The following GRIK1 variants were observed in gnomAD, a reference collection of about 807,000 sequenced individuals.
The protein encoded by GRIK1 is glutamate ionotropic receptor kainate type subunit 1.
GRIK1 carries 69 observed loss-of-function variants against 105.7 expected under a neutral mutation model. The ratio of observed to expected loss-of-function variants is 0.65; its 90% confidence interval spans 0.54 to 0.80. GRIK1 has a LOEUF of 0.80. Among genes scored for constraint, GRIK1 ranks in the 30% least tolerant of loss-of-function variants. The pLI, the probability that GRIK1 is intolerant of heterozygous loss-of-function variation, is 0.00. For synonymous variants in GRIK1, 438 were observed against 431.3 expected (o/e 1.02, Z -0.19); for missense variants, 1,109 against 1,167.3 (o/e 0.95, Z 0.73).
intron 1 of GRIK1, among the ~76,000 whole-genome samples, chr21:29,830,355 ACACACACT>A (rs138988673): frequency 0.33 from 45,154 of 136,390 alleles, 8,269 homozygotes; most frequent in East Asian, 0.58. Context: ...ACACACACAC[ACACACACT>A]CACACACATA....
At chr21:29,756,059 G>T (rs1301896407) in intron 1 of GRIK1, among the ~76,000 whole-genome samples, 2 of 152,188 alleles carry the variant, frequency 1.3e-5, no homozygotes, top group African/African-American at 4.8e-5. Flanking sequence ...AGAACATTGA[G>T]GGAAATTTTT....
intron 1 of GRIK1, among the ~76,000 whole-genome samples, chr21:29,925,741 G>A (rs892988297): frequency 1.3e-5 from 2 of 152,046 alleles, no homozygotes; most frequent in African/African-American, 4.8e-5. Context: ...CTCACTTTTT[G>A]CATCTGATAT....
At chr21:29,820,870 T>C (rs1601780739) in intron 1 of GRIK1, among the ~76,000 whole-genome samples, 1 of 151,978 alleles carries the variant, frequency 6.6e-6, no homozygotes, top group Admixed American at 6.6e-5. Flanking sequence ...TCAAAAACCT[T>C]ACCCAAGTTT....
At chr21:29,738,924 C>T (rs144065615) in intron 1 of GRIK1, among the ~76,000 whole-genome samples, 22 of 152,108 alleles carry the variant, frequency 1.4e-4, no homozygotes, top group Non-Finnish European at 2.5e-4. Flanking sequence ...ACATTTATTG[C>T]GAAATTAAAC....
chr21:29,580,487 GTC>G (rs5843392), intron 13 of GRIK1, among the ~76,000 whole-genome samples: 109,853 of 151,576 alleles, frequency 0.72, 39,958 homozygotes, highest in Middle Eastern at 0.78. Flanking sequence ...TATTTCCACA[GTC>G]TCTCTCTCTC....
chr21:29,920,305 C>A lies in GRIK1; in HGVS notation c.118+19078G>T, dbSNP rs147597678. On this transcript the variant is annotated intron_variant, in intron 1 of 17. Coordinates refer to ENST00000327783, the MANE Select transcript of GRIK1 (RefSeq NM_001330994.2). ...TAGAAAGGGCTACTATATGTACACA[C>A]ACAGTCTAACAAAAGGTATTAATAA... Among the ~76,000 whole-genome samples the A allele has an allele frequency of 2.6e-3, 395 of 152,188 alleles. 3 individuals are homozygous for A. The highest frequency in any genetic ancestry group is 9.1e-3 in the African/African-American group (379 of 41,462).
chr21:29,759,492 C>A (rs976904968), intron 1 of GRIK1, among the ~76,000 whole-genome samples: 1 of 152,118 alleles, frequency 6.6e-6, no homozygotes, highest in African/African-American at 2.4e-5. Flanking sequence ...TATGAAACAC[C>A]TGGTGAATAT....
intron 1 of GRIK1, among the ~76,000 whole-genome samples, chr21:29,704,614 T>C (rs552802161): frequency 6.6e-6 from 1 of 152,330 alleles, no homozygotes; most frequent in East Asian, 1.9e-4. Flanking sequence ...CTTAACACTA[T>C]GCCTCACAAA....
chr21:29,744,999 C>T (rs957152229), intron 1 of GRIK1, among the ~76,000 whole-genome samples: 6 of 152,148 alleles, frequency 3.9e-5, no homozygotes, highest in African/African-American at 9.7e-5. Context: ...GTGTAGTCCC[C>T]TTCCCTTGAA....
chr21:29,863,600 G>T (rs1052175052), intron 1 of GRIK1, among the ~76,000 whole-genome samples: 2 of 152,148 alleles, frequency 1.3e-5, no homozygotes, highest in Non-Finnish European at 2.9e-5. Context: ...TGCAAAAGGA[G>T]AATTTAGCTC....
chr21:29,674,862 A>C (rs2063235549), intron 3 of GRIK1, among the ~76,000 whole-genome samples: 1 of 152,160 alleles, frequency 6.6e-6, no homozygotes, highest in Admixed American at 6.6e-5. Flanking sequence ...CTCTTTTTAC[A>C]CAAAGATTGA....
At chr21:29,926,779 T>C (rs1037665289) in intron 1 of GRIK1, among the ~76,000 whole-genome samples, 7 of 152,194 alleles carry the variant, frequency 4.6e-5, no homozygotes, top group Admixed American at 1.3e-4. Context: ...AAGAAGAGTA[T>C]ACTGTTTAGG....
intron 7 of GRIK1, among the ~76,000 whole-genome samples, chr21:29,629,003 T>C (rs1159068696): frequency 6.6e-6 from 1 of 152,194 alleles, no homozygotes; most frequent in African/African-American, 2.4e-5. Flanking sequence ...CCAAGATTTA[T>C]TGAGCCCCTA....
intron 7 of GRIK1, among the ~76,000 whole-genome samples, chr21:29,625,777 G>A (rs79989290): frequency 6.6e-6 from 1 of 152,134 alleles, no homozygotes; most frequent in Non-Finnish European, 1.5e-5. Flanking sequence ...AGCACTTCCA[G>A]CACATAGTAT....
chr21:29,643,903 C>A (rs560334539), intron 6 of GRIK1, among the ~76,000 whole-genome samples: 128 of 147,488 alleles, frequency 8.7e-4, no homozygotes, highest in Non-Finnish European at 1.6e-3. Flanking sequence ...TGGAGGGGCA[C>A]ACACATGCAC....
chr21:29,653,932 G>C (rs559417832), intron 5 of GRIK1, among the ~76,000 whole-genome samples: 1 of 152,304 alleles, frequency 6.6e-6, no homozygotes, highest in Admixed American at 6.5e-5. Context: ...ATTTGAGTCA[G>C]AAATAGAATT....
intron 14 of GRIK1, among the ~76,000 whole-genome samples, chr21:29,572,773 TTC>T (rs113000650): frequency 0.034 from 5,224 of 151,748 alleles, 293 homozygotes; most frequent in African/African-American, 0.12. Context: ...TCTTTTTTTT[TTC>T]TTCTTCTTTT....
chr21:29,604,020 G>A (rs1469854651), intron 7 of GRIK1, among the ~76,000 whole-genome samples: 1 of 152,176 alleles, frequency 6.6e-6, no homozygotes, highest in Non-Finnish European at 1.5e-5. Flanking sequence ...CTCTGAAAAT[G>A]TACAGAATTG....
chr21:29,555,129 C>A lies in GRIK1; in HGVS notation c.2530G>T (p.Ala844Ser). The A allele has an allele frequency of 6.2e-7, 1 of 1,613,506 alleles. No individual in the cohort carries two copies. Among genetic ancestry groups the A allele is most frequent in the Non-Finnish European group, 8.5e-7 (1 of 1,179,462 alleles). The change falls in exon 16 of 18, where the codon GCC (alanine) becomes TCC (serine). Residue 844 changes from alanine (A) to serine (S), a missense_variant. Physicochemically the swap from Ala to Ser is moderately conservative, Grantham distance 99. Transcript: ENST00000327783. ...NIGGIFIVLAAGLVLSVFVAI... is the reference protein window; with the variant it reads ...NIGGIFIVLASGLVLSVFVAI... Reference sequence around the variant, plus strand: ...ACAAATACAGAAAGGACCAGTCCGGCAGCCAGAACAATGAAGATGCCTCCA... The same window carrying A: ...ACAAATACAGAAAGGACCAGTCCGGAAGCCAGAACAATGAAGATGCCTCCA...
Sources: allele counts gnomAD v4.1 joint callset (sites outside exome capture counted in the v4.1 genomes callset), GRCh38; gene constraint gnomAD v4.1.1; transcripts MANE v1.5; gene names NCBI Gene and HGNC (gene_info 2026-07-23, HGNC 2026-07-21).